PTPRG: variants seen among roughly 807,000 people sequenced by gnomAD.
The protein encoded by PTPRG is protein tyrosine phosphatase receptor type G, also known as receptor-type tyrosine-protein phosphatase gamma.
In PTPRG, 102 loss-of-function variants were observed where a neutral mutation model predicts 165.3. The observed-to-expected ratio is 0.62, with a 90% CI of 0.53 to 0.73. PTPRG has a LOEUF of 0.73. Ranked by LOEUF, PTPRG falls within the 30% of genes least tolerant of loss-of-function variation. The pLI is 0.00. For synonymous variants in PTPRG, 675 were observed against 669.5 expected, an observed-to-expected ratio of 1.01 and a Z score of -0.13; for missense variants, 1,866 against 1,861.4, an observed-to-expected ratio of 1.00 and a Z score of -0.05.
At chr3:61,594,304 C>A (rs1391019715) in intron 1 of PTPRG, among the ~76,000 whole-genome samples, 2 of 151,964 alleles carry the variant, frequency 1.3e-5, no homozygotes, top group African/African-American at 4.8e-5. Flanking sequence ...TGCATCTCTG[C>A]CTGTGTAGGG....
intron 1 of PTPRG, among the ~76,000 whole-genome samples, chr3:61,617,147 C>A (rs533581354): frequency 6.6e-6 from 1 of 152,222 alleles, no homozygotes; most frequent in African/African-American, 2.4e-5. Context: ...GTCACATGGT[C>A]AAGCTCCAAG....
rs115085522 is a variant in PTPRG at position 62,067,414 on chromosome 3, C to T, written c.520-10749C>T. 8.0e-3 allele frequency among the ~76,000 whole-genome samples: 1,217 copies of T among 152,038 alleles called. 19 individuals are homozygous for T. Among genetic ancestry groups the T allele is most frequent in the African/African-American group, 0.028 (1,175 of 41,460 alleles). ...CCCCAACCTTTTTGGCACGAGGGAC[C>T]GGTTTTGGGGAAGACAATTTTTCCA... is the stretch of plus-strand genomic sequence containing the variant. On this transcript the variant is annotated intron_variant, in intron 4 of 29. Transcript: ENST00000474889.
chr3:62,066,620 G>A (rs560336725), intron 4 of PTPRG, among the ~76,000 whole-genome samples: 1 of 152,192 alleles, frequency 6.6e-6, no homozygotes, highest in Non-Finnish European at 1.5e-5. Flanking sequence ...AAGCTCCACT[G>A]CATTTCAGAA....
At chr3:61,917,926 C>G (rs929786104) in intron 2 of PTPRG, among the ~76,000 whole-genome samples, 1 of 152,018 alleles carries the variant, frequency 6.6e-6, no homozygotes, top group African/African-American at 2.4e-5. Context: ...GAGCGAAACT[C>G]TGTCTCAAAA....
intron 1 of PTPRG, among the ~76,000 whole-genome samples, chr3:61,729,039 G>A (rs1264996623): frequency 6.6e-6 from 1 of 151,128 alleles, no homozygotes; most frequent in East Asian, 2.0e-4. Flanking sequence ...TCCAGTCTGG[G>A]CGGCAGAGAG....
At chr3:62,115,527 A>G (rs548764932) in intron 5 of PTPRG, among the ~76,000 whole-genome samples, 18 of 152,286 alleles carry the variant, frequency 1.2e-4, no homozygotes, top group South Asian at 6.2e-4. Flanking sequence ...AAGAGAATTA[A>G]TGTCACTTCT....
intron 4 of PTPRG, among the ~76,000 whole-genome samples, chr3:62,072,251 G>A (rs1701231561): frequency 1.3e-5 from 2 of 152,046 alleles, no homozygotes; most frequent in African/African-American, 4.8e-5. Flanking sequence ...GACAGTATTG[G>A]GATTCATGCA....
chr3:62,032,511 A>G (rs7648856), intron 4 of PTPRG, among the ~76,000 whole-genome samples: 1,714 of 152,098 alleles, frequency 0.011, 36 homozygotes, highest in African/African-American at 0.038. Flanking sequence ...AGACAAAACA[A>G]CTGGATTTTG....
At chr3:62,113,216 G>T (rs142259695) in intron 5 of PTPRG, among the ~76,000 whole-genome samples, 130 of 152,256 alleles carry the variant, frequency 8.5e-4, no homozygotes, top group African/African-American at 3.0e-3. Context: ...AGGAGAAGTA[G>T]ATTAAAGATT....
intron 1 of PTPRG, among the ~76,000 whole-genome samples, chr3:61,693,803 C>T (rs970475230): frequency 1.3e-5 from 2 of 151,818 alleles, no homozygotes; most frequent in East Asian, 1.9e-4. Flanking sequence ...CTCAGGAGTT[C>T]GAGACCATCC....
intron 1 of PTPRG, among the ~76,000 whole-genome samples, chr3:61,702,688 C>A (rs145133572): frequency 8.5e-5 from 13 of 152,336 alleles, no homozygotes; most frequent in Admixed American, 4.6e-4. Context: ...CCCAACCCCC[C>A]ACCAGGTAAC....
At chr3:61,792,939 G>T (rs945949023) in intron 2 of PTPRG, among the ~76,000 whole-genome samples, 1 of 152,076 alleles carries the variant, frequency 6.6e-6, no homozygotes, top group Non-Finnish European at 1.5e-5. Context: ...ATGTTGGCCA[G>T]GATGATCTTG....
At chr3:62,140,871 A>G (rs1056383758) in intron 6 of PTPRG, among the ~76,000 whole-genome samples, 1 of 148,410 alleles carries the variant, frequency 6.7e-6, no homozygotes, top group Non-Finnish European at 1.5e-5. Flanking sequence ...AAAAAAAAAA[A>G]AAAGAGTGGG....
intron 1 of PTPRG, among the ~76,000 whole-genome samples, chr3:61,611,401 A>G (rs67159612): frequency 0.21 from 31,481 of 151,884 alleles, 3,901 homozygotes; most frequent in African/African-American, 0.33. Context: ...TTTTTTTCCC[A>G]CTCAATGTTA....
At chr3:62,272,875 G>T in intron 21 of PTPRG, 71 bp from the exon 22 acceptor site, 1 of 1,412,936 alleles carries the variant, frequency 7.1e-7, no homozygotes, top group South Asian at 1.7e-5. Flanking sequence ...GTTTAGATTG[G>T]AATTTTTCGA....
In PTPRG at chr3:62,169,868, T is replaced by C. The variant is rs1389250735; in HGVS notation, c.1033+1705T>C. Among the ~76,000 whole-genome samples, 41 of 152,102 alleles carry C rather than the reference T, an allele frequency of 2.7e-4. 2 individuals are homozygous for C. Among genetic ancestry groups the C allele is most frequent in the Admixed American group, 2.7e-3 (41 of 15,276 alleles). ...AACAAAAGGGAACAGTTTATTGGCA[T>C]ATGGACTTTGTAGGAACAGGGGGAA... is the stretch of plus-strand genomic sequence containing the variant. On this transcript the variant is annotated intron_variant, in intron 8 of 29. Coordinates refer to ENST00000474889, the MANE Select transcript of PTPRG (RefSeq NM_002841.4).
intron 2 of PTPRG, among the ~76,000 whole-genome samples, chr3:61,890,936 T>C (rs986004335): frequency 6.6e-6 from 1 of 152,250 alleles, no homozygotes; most frequent in Non-Finnish European, 1.5e-5. Flanking sequence ...TTGCCAACTT[T>C]GATGAGTTTA....
rs1165435604 is a variant in PTPRG at position 61,887,148 on chromosome 3, ATATATATATATATATATATATATT to A, written c.191-102475_191-102452del. 2.5e-3 allele frequency among the ~76,000 whole-genome samples: 142 copies of A among 57,068 alleles called. 3 individuals carry two copies. Among genetic ancestry groups the A allele is most frequent in the African/African-American group, 5.1e-3 (135 of 26,460 alleles). The allele number at this position is 57,068 out of a possible 152,430, so 37.4% of individuals were successfully genotyped here. On this transcript the variant is annotated intron_variant, in intron 2 of 29. Transcript: ENST00000474889. Reference sequence around the variant, plus strand: ...CATATATATATATATATATATATATATATATATATATATATATATATATTTTTAATGCCATCATCAAACACTCAT... The same window carrying A: ...CATATATATATATATATATATATATATTTAATGCCATCATCAAACACTCAT...
intron 4 of PTPRG, among the ~76,000 whole-genome samples, chr3:62,054,188 C>T (rs1700555700): frequency 6.6e-6 from 1 of 152,194 alleles, no homozygotes; most frequent in Admixed American, 6.5e-5. Context: ...CAGAGTCATT[C>T]TTGGGACTCT....
Sources: gnomAD v4.1 joint callset for allele counts (sites outside exome capture counted in the v4.1 genomes callset) on GRCh38, gnomAD v4.1.1 for gene constraint, MANE v1.5 for transcripts, NCBI Gene and HGNC (gene_info 2026-07-23, HGNC 2026-07-21) for gene names.